The following PDGFD variants were observed in gnomAD, a reference collection of about 807,000 sequenced individuals.
PDGFD encodes the protein platelet derived growth factor D, also known as platelet-derived growth factor D.
In PDGFD, 30 loss-of-function variants were observed where a neutral mutation model predicts 44.7. That is an observed-to-expected ratio of 0.67 (90% CI 0.50 to 0.91). PDGFD has a LOEUF of 0.91. Among genes scored for constraint, PDGFD ranks in the 40% least tolerant of loss-of-function variants. PDGFD has a pLI of 0.00. For synonymous variants in PDGFD, 173 were observed against 168.4 expected (o/e 1.03, Z -0.21); for missense variants, 445 against 457.8 (o/e 0.97, Z 0.25).
intron 3 of PDGFD, among the ~76,000 whole-genome samples, chr11:103,971,367 A>T (rs1859099212): frequency 6.6e-6 from 1 of 152,154 alleles, no homozygotes; most frequent in Non-Finnish European, 1.5e-5. Context: ...GTGAACAGAA[A>T]CTTTCATATT....
rs181421674 is a variant in PDGFD, at chr11:103,915,126, G to A, written c.988-5307C>T. Among the ~76,000 whole-genome samples, 1,038 of 152,196 alleles carry A rather than the reference G, an allele frequency of 6.8e-3. 6 individuals are homozygous for A. The highest frequency in any genetic ancestry group is 0.023 in the African/African-American group (949 of 41,530). Reference sequence around the variant, plus strand: ...ATCAGGCAATAGAAAGAAATAAAGGGTATTCAAATAGAAAGAGAGGAAGTC... The same window carrying A: ...ATCAGGCAATAGAAAGAAATAAAGGATATTCAAATAGAAAGAGAGGAAGTC... On this transcript the variant is annotated intron_variant, in intron 6 of 6. Coordinates refer to ENST00000393158, the MANE Select transcript of PDGFD (RefSeq NM_025208.5).
chr11:104,129,938 G>T (rs1452824202), intron 1 of PDGFD, among the ~76,000 whole-genome samples: 2 of 151,016 alleles, frequency 1.3e-5, no homozygotes, highest in African/African-American at 2.4e-5. Context: ...GAACCAAGGA[G>T]GCAGAGGGTG....
chr11:104,114,480 C>T (rs1231355113), intron 1 of PDGFD, among the ~76,000 whole-genome samples: 2 of 151,998 alleles, frequency 1.3e-5, no homozygotes, highest in Non-Finnish European at 1.5e-5. Flanking sequence ...AATACCACAC[C>T]ATCTTGATTA....
chr11:103,917,683 A>AG (rs748073799), intron 6 of PDGFD, among the ~76,000 whole-genome samples: 39 of 152,102 alleles, frequency 2.6e-4, no homozygotes, highest in African/African-American at 2.4e-5. Context: ...ATTCTAAAGG[A>AG]GGATAAGTAC....
At position 104,003,170 on chromosome 11, in the gene PDGFD, A is replaced by T. The variant is rs150735369; in HGVS notation, c.125-2915T>A. Among the ~76,000 whole-genome samples the T allele has an allele frequency of 3.8e-3, 574 of 152,352 alleles. 5 individuals carry two copies. The highest frequency in any genetic ancestry group is 6.4e-3 in the Non-Finnish European group (435 of 68,038). ...AAGGGAATATTAAGTGCTGAGTGTA[A>T]ATGCTGTGGTTGCTCAAAGGCCAGG... On this transcript the variant is annotated intron_variant, in intron 1 of 6. Transcript: ENST00000393158.
chr11:103,991,445 T>C (rs1361908091), intron 3 of PDGFD, among the ~76,000 whole-genome samples: 3 of 152,162 alleles, frequency 2.0e-5, no homozygotes, highest in Non-Finnish European at 4.4e-5. Context: ...ATCACTTTAA[T>C]TAACTACAGA....
chr11:103,930,631 C>T (rs1858386748), intron 5 of PDGFD, among the ~76,000 whole-genome samples: 2 of 151,852 alleles, frequency 1.3e-5, no homozygotes, highest in Admixed American at 6.6e-5. Flanking sequence ...CCTCTTCATG[C>T]CTTTTGTACA....
chr11:104,122,922 A>G (rs1192516234), intron 1 of PDGFD, among the ~76,000 whole-genome samples: 1 of 152,062 alleles, frequency 6.6e-6, no homozygotes, highest in East Asian at 1.9e-4. Context: ...ACTAGGTCCT[A>G]GACATGTAAG....
intron 3 of PDGFD, among the ~76,000 whole-genome samples, chr11:103,947,954 C>T (rs1354308138): frequency 6.6e-6 from 1 of 152,144 alleles, no homozygotes; most frequent in Non-Finnish European, 1.5e-5. Context: ...GGAAAAGGCA[C>T]AGGAAGGAAT....
At chr11:104,109,271 G>A (rs1448536049) in intron 1 of PDGFD, among the ~76,000 whole-genome samples, 1 of 151,922 alleles carries the variant, frequency 6.6e-6, no homozygotes, top group Non-Finnish European at 1.5e-5. Context: ...GAAAAATCAG[G>A]CTTGAGCCCT....
chr11:103,945,673 G>A (rs180748345), intron 4 of PDGFD: 3 of 152,314 alleles, frequency 2.0e-5, no homozygotes, highest in African/African-American at 7.2e-5. Context: ...TGACAGCTCT[G>A]GGGAAAGTGG....
chr11:104,134,946 A>T (rs544391565), intron 1 of PDGFD, among the ~76,000 whole-genome samples: 5 of 152,288 alleles, frequency 3.3e-5, no homozygotes, highest in African/African-American at 1.2e-4. Context: ...TTATCACAGG[A>T]AATCTGGCTA....
At chr11:104,037,503 G>C in intron 1 of PDGFD, 2 of 1,614,132 alleles carry the variant, frequency 1.2e-6, no homozygotes, top group East Asian at 2.2e-5. Flanking sequence ...AAGAAAACAT[G>C]AATATAGCGA....
intron 5 of PDGFD, among the ~76,000 whole-genome samples, chr11:103,940,382 A>G (rs969653884): frequency 2.0e-5 from 3 of 152,104 alleles, no homozygotes; most frequent in Non-Finnish European, 4.4e-5. Flanking sequence ...GTCTGGACAA[A>G]TCAGAAGAAT....
At chr11:103,939,337 C>T (rs1393026699) in intron 5 of PDGFD, among the ~76,000 whole-genome samples, 3 of 152,002 alleles carry the variant, frequency 2.0e-5, no homozygotes, top group East Asian at 1.9e-4. Flanking sequence ...GGAGTTCACT[C>T]GTGATTTGGC....
At chr11:103,981,739 T>G (rs1859276029) in intron 3 of PDGFD, among the ~76,000 whole-genome samples, 1 of 151,814 alleles carries the variant, frequency 6.6e-6, no homozygotes, top group South Asian at 2.1e-4. Context: ...GGAAAGCTCT[T>G]GAGGCCTTAG....
At chr11:104,041,573 T>C (rs1183390755) in intron 1 of PDGFD, among the ~76,000 whole-genome samples, 1 of 152,154 alleles carries the variant, frequency 6.6e-6, no homozygotes, top group Admixed American at 6.5e-5. Context: ...GAAATAGACC[T>C]TTCCTGTCTC....
At chr11:103,965,496 C>T (rs150531503) in intron 3 of PDGFD, among the ~76,000 whole-genome samples, 3 of 152,276 alleles carry the variant, frequency 2.0e-5, no homozygotes, top group South Asian at 2.1e-4. Flanking sequence ...TCCCCCTTGA[C>T]ATTTGAATTA....
At chr11:103,987,148 T>G (rs1330445232) in intron 3 of PDGFD, among the ~76,000 whole-genome samples, 1 of 150,320 alleles carries the variant, frequency 6.7e-6, no homozygotes, top group Non-Finnish European at 1.5e-5. Context: ...ATAATAAATC[T>G]CTGGTCTTCC....
Sources: gnomAD v4.1 joint callset for allele counts (sites outside exome capture counted in the v4.1 genomes callset) on GRCh38, gnomAD v4.1.1 for gene constraint, MANE v1.5 for transcripts, NCBI Gene and HGNC (gene_info 2026-07-23, HGNC 2026-07-21) for gene names.